DOCK1: variants seen among roughly 807,000 people sequenced by gnomAD.
DOCK1 encodes dedicator of cytokinesis 1.
Under a neutral mutation model 262.7 loss-of-function variants are expected in DOCK1, and 138 were observed. That is an observed-to-expected ratio of 0.53 (90% CI 0.46 to 0.61). The LOEUF is 0.61. Ranked by LOEUF, DOCK1 falls within the 20% of genes least tolerant of loss-of-function variation. The pLI is 0.00. For synonymous variants in DOCK1, 866 were observed against 867.4 expected (o/e 1.00, Z 0.03); for missense variants, 1,908 against 2,370.7 (o/e 0.80, Z 4.05).
intron 46 of DOCK1, among the ~76,000 whole-genome samples, chr10:127,420,511 G>A (rs1156889014): frequency 6.6e-6 from 1 of 152,128 alleles, no homozygotes; most frequent in African/African-American, 2.4e-5. Flanking sequence ...CTGTCCCCGA[G>A]ATCTTGCCAC....
intron 27 of DOCK1, among the ~76,000 whole-genome samples, chr10:127,227,150 G>A (rs2058673620): frequency 6.6e-6 from 1 of 152,144 alleles, no homozygotes; most frequent in South Asian, 2.1e-4. Flanking sequence ...AGCTGACCTG[G>A]GATTGACACC....
At chr10:127,118,387 C>A (rs1387511607) in intron 25 of DOCK1, among the ~76,000 whole-genome samples, 2 of 152,122 alleles carry the variant, frequency 1.3e-5, no homozygotes, top group Non-Finnish European at 2.9e-5. Context: ...TCCATTGGCT[C>A]TTCTTTAATT....
chr10:127,238,396 C>G (rs562586703), intron 27 of DOCK1, among the ~76,000 whole-genome samples: 2 of 152,212 alleles, frequency 1.3e-5, no homozygotes, highest in South Asian at 4.1e-4. Context: ...CCCCAAAGAC[C>G]TTTTACCTCG....
At chr10:127,272,918 G>A (rs2060620532) in intron 29 of DOCK1, among the ~76,000 whole-genome samples, 1 of 152,110 alleles carries the variant, frequency 6.6e-6, no homozygotes, top group Admixed American at 6.5e-5. Context: ...CGAAAGACCT[G>A]CCCCCATGAT....
chr10:127,231,156 T>C (rs1027601648), intron 27 of DOCK1, among the ~76,000 whole-genome samples: 2 of 152,126 alleles, frequency 1.3e-5, no homozygotes, highest in African/African-American at 2.4e-5. Context: ...AATTCTTTTC[T>C]ATCAGAGCAG....
At chr10:127,128,991 C>A (rs2050142967) in intron 27 of DOCK1, among the ~76,000 whole-genome samples, 1 of 152,088 alleles carries the variant, frequency 6.6e-6, no homozygotes, top group African/African-American at 2.4e-5. Flanking sequence ...GAGAAGGCAC[C>A]CTGGTCCTTC....
chr10:127,323,777 C>G (rs900210998), intron 29 of DOCK1, among the ~76,000 whole-genome samples: 21 of 152,168 alleles, frequency 1.4e-4, no homozygotes, highest in Non-Finnish European at 2.9e-5. Context: ...GAGCTCCTGG[C>G]TCAGCAGGTA....
intron 1 of DOCK1, among the ~76,000 whole-genome samples, chr10:126,912,858 ATG>A (rs1305668965): frequency 6.6e-6 from 1 of 152,170 alleles, no homozygotes; most frequent in Non-Finnish European, 1.5e-5. Context: ...CACATCCAGG[ATG>A]CTGAATTTCT....
intron 27 of DOCK1, among the ~76,000 whole-genome samples, chr10:127,134,693 G>A (rs1176271886): frequency 6.6e-6 from 1 of 152,090 alleles, no homozygotes; most frequent in Non-Finnish European, 1.5e-5. Context: ...TGTGCATTGG[G>A]CCTTCCTTCC....
chr10:126,988,486 C>G (rs2039568046), intron 5 of DOCK1: 1 of 152,216 alleles, frequency 6.6e-6, no homozygotes, highest in Admixed American at 6.5e-5. Flanking sequence ...TAATTGTCAT[C>G]AAACGTACTG....
rs145143312 is a variant in DOCK1 at position 127,159,247 on chromosome 10, C to A, written c.2847+31483C>A. ...AACCACCTTTCTTCACAGGACTTTG[C>A]TCTACTTTAAAGAAAGGAAAATAAA... On this transcript the variant is annotated intron_variant, in intron 27 of 51. Coordinates refer to ENST00000623213, the MANE Select transcript of DOCK1 (RefSeq NM_001290223.2). Among the ~76,000 whole-genome samples the A allele has an allele frequency of 2.1e-3, 322 of 152,266 alleles. 3 individuals are homozygous for A. Among genetic ancestry groups the A allele is most frequent in the Middle Eastern group, 0.01 (3 of 294 alleles).
chr10:127,089,275 C>T (rs2136080840), intron 23 of DOCK1, among the ~76,000 whole-genome samples: 1 of 152,250 alleles, frequency 6.6e-6, no homozygotes, highest in South Asian at 2.1e-4. Flanking sequence ...CTCCTGTGGA[C>T]TTTGCTTCTT....
At chr10:126,910,637 T>A (rs1189657871) in intron 1 of DOCK1, among the ~76,000 whole-genome samples, 1 of 152,222 alleles carries the variant, frequency 6.6e-6, no homozygotes. Flanking sequence ...GGTTACGTCT[T>A]GTAAAGCTGT....
chr10:127,362,028 T>C (rs745500654), intron 32 of DOCK1, 36 bp from the exon 33 acceptor site: 273 of 1,562,640 alleles, frequency 1.7e-4, no homozygotes, highest in Non-Finnish European at 2.3e-4. Flanking sequence ...ATTCTATTTT[T>C]CTTTATTTCT....
rs1214918411 is a variant in DOCK1, at chr10:126,955,871, C to G, written c.47-14831C>G. Among the ~76,000 whole-genome samples, 4 of 152,082 alleles carry G rather than the reference C, an allele frequency of 2.6e-5. No individual in the cohort carries two copies. The South Asian group carries it at 6.2e-4, about 24-fold the overall frequency. On this transcript the variant is annotated intron_variant, in intron 1 of 51. Transcript: ENST00000623213. The stretch of plus-strand genomic sequence containing the variant: ...TCAAGCAGTTAACTAAGGAAAGATT[C>G]GTTTGTGTCCTCTGGGAACTGACAC...
chr10:126,970,816 A>C (rs976157519), intron 2 of DOCK1, 31 bp downstream of exon 2: 1 of 1,604,094 alleles, frequency 6.2e-7, no homozygotes, highest in African/African-American at 1.3e-5. Context: ...CTTTTCTCTT[A>C]CATTTTGGGC....
intron 18 of DOCK1, among the ~76,000 whole-genome samples, chr10:127,035,012 T>A (rs1368316225): frequency 6.6e-6 from 1 of 152,234 alleles, no homozygotes; most frequent in Non-Finnish European, 1.5e-5. Flanking sequence ...CAGCAGCAGC[T>A]GTTGCCAGGC....
At chr10:126,980,836 G>A (rs934919448) in intron 3 of DOCK1, among the ~76,000 whole-genome samples, 1 of 152,136 alleles carries the variant, frequency 6.6e-6, no homozygotes, top group Non-Finnish European at 1.5e-5. Flanking sequence ...GGAAGCGGTA[G>A]CTGGGCTGCG....
At chr10:127,062,025 C>T (rs1263738735) in intron 23 of DOCK1, among the ~76,000 whole-genome samples, 1 of 150,506 alleles carries the variant, frequency 6.6e-6, no homozygotes, top group Non-Finnish European at 1.5e-5. Flanking sequence ...CAACCTCTGC[C>T]TCCCGGCTTG....
Sources: gnomAD v4.1 joint callset for allele counts (sites outside exome capture counted in the v4.1 genomes callset) on GRCh38, gnomAD v4.1.1 for gene constraint, MANE v1.5 for transcripts, NCBI Gene and HGNC (gene_info 2026-07-23, HGNC 2026-07-21) for gene names.